Variants in ARHGEF7 observed in about 807,000 individuals in gnomAD.
The protein encoded by ARHGEF7 is Rho guanine nucleotide exchange factor 7.
A neutral mutation model predicts 109.8 loss-of-function variants in ARHGEF7; 33 were observed. That is an observed-to-expected ratio of 0.30 (90% CI 0.23 to 0.40). The LOEUF (loss-of-function observed/expected upper bound fraction) is 0.40, where lower values mean the gene tolerates loss of function less well. ARHGEF7 is among the 10% of genes least tolerant of loss of function. The pLI is 1.00. For missense variants in ARHGEF7, 938 were observed against 1,098.5 expected (o/e 0.85, Z 2.07); for synonymous variants, 458 against 424.6 (o/e 1.08, Z -0.97).
In ARHGEF7 at chr13:111,288,527, A is replaced by G. The variant is rs1165711716; in HGVS notation, c.2134+84A>G. On this transcript the variant is annotated intron_variant, in intron 18 of 21. Transcript: ENST00000646102. ...ACAGTCTGAAGGAACCTGTTGTGGT[A>G]GGCCCCTTGCACAGCCCATGCGCCT... 12 of 1,126,256 alleles carry G rather than the reference A, an allele frequency of 1.1e-5. No individual in the cohort carries two copies. In the East Asian group the frequency reaches 2.5e-4, roughly 23 times the overall value. The allele number at this position is 1,126,256 out of a possible 1,614,324, so 69.8% of individuals were successfully genotyped here.
chr13:111,199,230 A>G (rs917489407), intron 2 of ARHGEF7, among the ~76,000 whole-genome samples: 4 of 152,358 alleles, frequency 2.6e-5, no homozygotes, highest in African/African-American at 9.6e-5. Context: ...AGTGAATGAA[A>G]GCAGCCATAC....
chr13:111,297,891 A>T (rs1595625786), intron 19 of ARHGEF7, among the ~76,000 whole-genome samples: 1 of 152,278 alleles, frequency 6.6e-6, no homozygotes, highest in East Asian at 1.9e-4. Flanking sequence ...TAATTGAAAT[A>T]CAGAATTTAC....
chr13:111,289,615 T>G (rs1425179482), intron 18 of ARHGEF7, among the ~76,000 whole-genome samples: 1 of 152,024 alleles, frequency 6.6e-6, no homozygotes, highest in Admixed American at 6.5e-5. Flanking sequence ...CTTGCTCGTT[T>G]TGTTAATCAC....
chr13:111,119,622 T>TA (rs779796909), intron 1 of ARHGEF7, among the ~76,000 whole-genome samples: 29 of 152,308 alleles, frequency 1.9e-4, no homozygotes, highest in Admixed American at 9.1e-4. Flanking sequence ...GACGTGTGGG[T>TA]AAGAATATGG....
At chr13:111,208,336 G>T (rs2153473416) in intron 3 of ARHGEF7, among the ~76,000 whole-genome samples, 1 of 152,314 alleles carries the variant, frequency 6.6e-6, no homozygotes. Flanking sequence ...CACTGCGCCT[G>T]GCCTCGTTTC....
At chr13:111,174,330 C>T (rs1386604562) in intron 2 of ARHGEF7, among the ~76,000 whole-genome samples, 2 of 152,196 alleles carry the variant, frequency 1.3e-5, no homozygotes, top group African/African-American at 2.4e-5. Flanking sequence ...CCTGTGGAAT[C>T]CCTCTGTTGG....
At chr13:111,245,777 T>A (rs1725150714) in intron 8 of ARHGEF7, among the ~76,000 whole-genome samples, 1 of 152,186 alleles carries the variant, frequency 6.6e-6, no homozygotes, top group Non-Finnish European at 1.5e-5. Context: ...AATAAGAAAA[T>A]TGCTCAAATT....
At chr13:111,188,740 T>C (rs2079534821) in intron 2 of ARHGEF7, among the ~76,000 whole-genome samples, 1 of 152,246 alleles carries the variant, frequency 6.6e-6, no homozygotes, top group African/African-American at 2.4e-5. Flanking sequence ...GAATTCTCTG[T>C]GTCTTAGCCA....
intron 5 of ARHGEF7, among the ~76,000 whole-genome samples, chr13:111,223,061 T>C (rs1013762085): frequency 1.3e-5 from 2 of 152,182 alleles, no homozygotes; most frequent in African/African-American, 4.8e-5. Flanking sequence ...CACACATAGG[T>C]ATGTATAGAT....
At chr13:111,247,533 A>G (rs577601304) in intron 8 of ARHGEF7, among the ~76,000 whole-genome samples, 3 of 151,936 alleles carry the variant, frequency 2.0e-5, no homozygotes, top group African/African-American at 2.4e-5. Context: ...AGCCTCCCAA[A>G]GTGTTGGGAT....
intron 2 of ARHGEF7, among the ~76,000 whole-genome samples, chr13:111,173,914 A>G (rs1261429204): frequency 6.6e-6 from 1 of 152,132 alleles, no homozygotes; most frequent in Non-Finnish European, 1.5e-5. Flanking sequence ...TTTGCATTGC[A>G]CTGACTGGGT....
chr13:111,192,471 T>G (rs1006164280), intron 2 of ARHGEF7, among the ~76,000 whole-genome samples: 3 of 152,220 alleles, frequency 2.0e-5, no homozygotes, highest in Admixed American at 6.5e-5. Flanking sequence ...CGTTTCCTGA[T>G]GAAGTAGGAC....
At chr13:111,225,749 T>C (rs1241154453) in intron 5 of ARHGEF7, among the ~76,000 whole-genome samples, 3 of 152,170 alleles carry the variant, frequency 2.0e-5, no homozygotes, top group East Asian at 1.9e-4. Flanking sequence ...ACTTAATTGA[T>C]AAATGTTGTG....
intron 4 of ARHGEF7, among the ~76,000 whole-genome samples, chr13:111,211,875 A>C (rs951864996): frequency 1.3e-5 from 2 of 152,214 alleles, no homozygotes; most frequent in Non-Finnish European, 2.9e-5. Flanking sequence ...TAAAAAGTTA[A>C]GCTAAAAGGC....
At chr13:111,280,474 G>A in intron 14 of ARHGEF7, 64 bp from the exon 15 acceptor site, 3 of 1,579,582 alleles carry the variant, frequency 1.9e-6, no homozygotes, top group Non-Finnish European at 2.6e-6. Flanking sequence ...ATTCTGGGGG[G>A]TGTGCACGCA....
intron 1 of ARHGEF7, chr13:111,144,568 A>T (rs1166061841): frequency 6.6e-6 from 1 of 152,246 alleles, no homozygotes; most frequent in African/African-American, 2.4e-5. Flanking sequence ...ATTCCTGATC[A>T]GAAGACAGCT....
intron 6 of ARHGEF7, among the ~76,000 whole-genome samples, chr13:111,240,288 G>C (rs2087540630): frequency 6.6e-6 from 1 of 152,178 alleles, no homozygotes; most frequent in Non-Finnish European, 1.5e-5. Flanking sequence ...CCCAAGACCT[G>C]TGAATCTCCA....
chr13:111,119,164 C>A (rs1050495566), intron 1 of ARHGEF7, among the ~76,000 whole-genome samples: 1 of 152,202 alleles, frequency 6.6e-6, no homozygotes, highest in Non-Finnish European at 1.5e-5. Context: ...GGTTTCTTCT[C>A]TGTGTCCAAA....
chr13:111,164,663 C>A (rs1024954858), intron 2 of ARHGEF7, among the ~76,000 whole-genome samples: 13 of 152,218 alleles, frequency 8.5e-5, no homozygotes, highest in African/African-American at 2.7e-4. Context: ...ACAGCATTTT[C>A]TGAGTGCCTA....
Sources: gnomAD v4.1 joint callset for allele counts (sites outside exome capture counted in the v4.1 genomes callset) on GRCh38, gnomAD v4.1.1 for gene constraint, MANE v1.5 for transcripts, NCBI Gene and HGNC (gene_info 2026-07-23, HGNC 2026-07-21) for gene names.